Variants in ARSK observed in about 807,000 individuals in gnomAD.
ARSK encodes the protein arylsulfatase K.
ARSK carries 37 observed loss-of-function variants against 53.2 expected under a neutral mutation model. The observed-to-expected ratio is 0.70, with a 90% confidence interval of 0.54 to 0.92. ARSK has a LOEUF of 0.92. Among genes scored for constraint, ARSK ranks in the 40% least tolerant of loss-of-function variants. The probability of loss-of-function intolerance (pLI) is 0.00; values close to 1 mark genes in which losing one functional copy is unlikely to be tolerated. For synonymous variants in ARSK, 208 were observed against 223.2 expected, an observed-to-expected ratio of 0.93 and a Z score of 0.61; for missense variants, 613 against 643.0, an observed-to-expected ratio of 0.95 and a Z score of 0.51.
At chr5:95,561,046 G>A (rs1489877067) in intron 1 of ARSK, among the ~76,000 whole-genome samples, 2 of 151,992 alleles carry the variant, frequency 1.3e-5, no homozygotes, top group East Asian at 1.9e-4. Flanking sequence ...CCTGACCTTG[G>A]GATATACCCG....
chr5:95,604,376 C>G lies in ARSK; in HGVS notation c.*850C>G, dbSNP rs997588953. On this transcript the variant is annotated 3_prime_UTR_variant, in exon 8 of 8. Coordinates refer to ENST00000380009, the MANE Select transcript of ARSK (RefSeq NM_198150.3). The stretch of plus-strand genomic sequence containing the variant: ...ATCGTGAAGTCTCTGTCCTTTCCCT[C>G]TTCCCTGCCATCCAGTTCCCCCTCC... The G allele has an allele frequency of 7.2e-5, 11 of 152,192 alleles. No homozygotes were observed. The highest frequency in any genetic ancestry group is 1.6e-4 in the Non-Finnish European group (11 of 68,036). 9.4% of individuals were successfully genotyped at this position (152,192 alleles called of 1,614,324 possible).
Position 95,591,628 on chromosome 5 carries a change from A to G in ARSK, c.1096+3A>G. ...GGATATTTACCCTACCATGCTTGGT[A>G]AGTAATGTAGTTCTGTAAATATTTA... On this transcript the variant is annotated splice_donor_region_variant and intron_variant, in intron 6 of 7. Coordinates refer to ENST00000380009, the MANE Select transcript of ARSK (RefSeq NM_198150.3). 6.2e-7 allele frequency: 1 copy of G among 1,612,494 alleles called. No individual in the cohort carries two copies. The highest frequency in any genetic ancestry group is 8.5e-7 in the Non-Finnish European group (1 of 1,178,492).
intron 3 of ARSK, among the ~76,000 whole-genome samples, chr5:95,580,046 G>A (rs1748995587): frequency 6.6e-6 from 1 of 152,158 alleles, no homozygotes; most frequent in Admixed American, 6.5e-5. Flanking sequence ...GAGAGATGCT[G>A]GCGTAGAGGA....
intron 5 of ARSK, among the ~76,000 whole-genome samples, chr5:95,587,820 C>T (rs1344948732): frequency 6.6e-6 from 1 of 151,156 alleles, no homozygotes; most frequent in African/African-American, 2.4e-5. Context: ...GCAAGAGAAT[C>T]ACTTGAACCT....
chr5:95,580,257 G>C (rs1158892462), intron 3 of ARSK, among the ~76,000 whole-genome samples: 3 of 152,068 alleles, frequency 2.0e-5, no homozygotes, highest in Non-Finnish European at 4.4e-5. Flanking sequence ...TAAAAAAATT[G>C]GTTCAAAATA....
In ARSK at chr5:95,594,888, C is replaced by T. The variant is rs1749279744; in HGVS notation, c.1096+3263C>T. ...AAATAGTCCTTCTCATATACTGCTA[C>T]TGGGAATATAAACTGATACAAATGT... On this transcript the variant is annotated intron_variant, in intron 6 of 7. Coordinates refer to ENST00000380009, the MANE Select transcript of ARSK (RefSeq NM_198150.3). Among the ~76,000 whole-genome samples the T allele has an allele frequency of 2.6e-5, 4 of 151,884 alleles. No individual in the cohort carries two copies. The South Asian group carries it at 8.3e-4, about 32-fold the overall frequency.
intron 5 of ARSK, among the ~76,000 whole-genome samples, chr5:95,590,530 C>T (rs150802670): frequency 3.9e-5 from 6 of 152,012 alleles, no homozygotes; most frequent in African/African-American, 9.7e-5. Context: ...GGGGCAAGAC[C>T]GATTAGTAAG....
At chr5:95,576,077 T>TG (rs753866070) in intron 3 of ARSK, among the ~76,000 whole-genome samples, 1 of 150,362 alleles carries the variant, frequency 6.7e-6, no homozygotes, top group Admixed American at 6.6e-5. Context: ...TTTTTTGTGG[T>TG]GGGGGGTGGG....
intron 6 of ARSK, among the ~76,000 whole-genome samples, chr5:95,598,352 G>A (rs569214274): frequency 2.5e-4 from 38 of 152,162 alleles, no homozygotes; most frequent in Admixed American, 1.2e-3. Flanking sequence ...AAACTAAAGC[G>A]CTTTTAAGGG....
chr5:95,583,292 A>G, intron 4 of ARSK, 94 bp downstream of exon 4: 1 of 1,185,046 alleles, frequency 8.4e-7, no homozygotes, highest in Non-Finnish European at 1.1e-6. Context: ...CTTTTAAAGA[A>G]AAATTTGAAA....
At position 95,583,171 on chromosome 5, in the gene ARSK, TCA is replaced by T; in HGVS notation, c.677_678del (p.Thr226IlefsTer6). ...GAGAAAATTTTGGATCTTCAACATT[TCA>T]CACATCTCTTTATTGGCTTGAAAAA... ...SGENFGSSTF[H>X]TSLYWLEKVS... On this transcript the variant is annotated frameshift_variant, in exon 4 of 8. Coordinates refer to ENST00000380009, the MANE Select transcript of ARSK (RefSeq NM_198150.3). LOFTEE classifies it high-confidence loss of function. 1.9e-6 allele frequency: 3 copies of T among 1,588,810 alleles called. No homozygotes were observed. Among genetic ancestry groups the T allele is most frequent in the Non-Finnish European group, 2.6e-6 (3 of 1,163,782 alleles).
intron 3 of ARSK, among the ~76,000 whole-genome samples, chr5:95,568,691 T>C (rs1370549658): frequency 2.6e-5 from 4 of 152,224 alleles, no homozygotes; most frequent in Non-Finnish European, 5.9e-5. Flanking sequence ...TAGAAAGGCC[T>C]GCTTGGAAGG....
Position 95,555,423 on chromosome 5 carries a change from G to C in ARSK, c.126+19G>C, listed in dbSNP as rs780548129. ...CTCCTTCGTAAGTACCGCGAGGCAG[G>C]GGAGGGGCGCCCCGCTGGGGATCGG... On this transcript the variant is annotated intron_variant, in intron 1 of 7. Transcript: ENST00000380009. The surrounding 1 kb of genome is among the most constrained non-coding windows in gnomAD (Gnocchi z 4.0). The C allele has an allele frequency of 6.3e-7, 1 of 1,589,126 alleles. No individual in the cohort carries two copies. The highest frequency in any genetic ancestry group is 1.1e-5 in the South Asian group (1 of 89,668).
At chr5:95,561,985 C>T (rs1580214166) in intron 1 of ARSK, among the ~76,000 whole-genome samples, 3 of 152,202 alleles carry the variant, frequency 2.0e-5, no homozygotes, top group Non-Finnish European at 4.4e-5. Flanking sequence ...GAAGCCACGG[C>T]GAGCAGATCA....
intron 4 of ARSK, among the ~76,000 whole-genome samples, chr5:95,586,009 T>G (rs73777195): frequency 0.16 from 23,640 of 152,166 alleles, 2,544 homozygotes; most frequent in African/African-American, 0.3. Context: ...AAGTAAATGT[T>G]TGAACTTTTT....
At chr5:95,588,426 G>A (rs957439760) in intron 5 of ARSK, among the ~76,000 whole-genome samples, 2 of 151,498 alleles carry the variant, frequency 1.3e-5, no homozygotes, top group African/African-American at 2.4e-5. Context: ...TAGTAGAGAC[G>A]GGGTTTCACC....
chr5:95,581,034 C>T, intron 3 of ARSK: 2 of 670,994 alleles, frequency 3.0e-6, no homozygotes, highest in Non-Finnish European at 4.4e-6. Flanking sequence ...TAAGTACCAG[C>T]AATTATGGGA....
chr5:95,569,494 A>G (rs564126320), intron 3 of ARSK, among the ~76,000 whole-genome samples: 2 of 152,328 alleles, frequency 1.3e-5, no homozygotes, highest in East Asian at 1.9e-4. Context: ...GAACAAGGAC[A>G]TAGGCACACA....
chr5:95,558,050 C>A (rs1467560772), intron 1 of ARSK, among the ~76,000 whole-genome samples: 3 of 152,148 alleles, frequency 2.0e-5, no homozygotes, highest in African/African-American at 7.2e-5. Flanking sequence ...AGGACTACTC[C>A]CCCTCGGCTC....
Sources: allele counts gnomAD v4.1 joint callset (sites outside exome capture counted in the v4.1 genomes callset), GRCh38; gene constraint gnomAD v4.1.1; non-coding constraint Gnocchi (gnomAD v3.1); transcripts MANE v1.5; gene names NCBI Gene and HGNC (gene_info 2026-07-23, HGNC 2026-07-21).